The following BICRAL variants were observed in gnomAD, a reference collection of about 807,000 sequenced individuals.
The protein encoded by BICRAL is BRD4-interacting chromatin-remodeling complex-associated protein-like.
A neutral mutation model predicts 91.8 loss-of-function variants in BICRAL; 8 were observed. The observed-to-expected ratio is 0.09, with a 90% CI of 0.05 to 0.16. BICRAL has a LOEUF of 0.16. Ranked by LOEUF, BICRAL falls within the 10% of genes least tolerant of loss-of-function variation. The pLI is 1.00. For synonymous variants in BICRAL, 445 were observed against 491.1 expected, an observed-to-expected ratio of 0.91 and a Z score of 1.24; for missense variants, 1,038 against 1,310.9, an observed-to-expected ratio of 0.79 and a Z score of 3.21.
At chr6:42,821,958 G>A in intron 2 of BICRAL, 60 bp from the exon 3 acceptor site, 10 of 1,005,710 alleles carry the variant, frequency 9.9e-6, no homozygotes, top group Non-Finnish European at 1.6e-5. Flanking sequence ...GTATTGCATT[G>A]ATACTACTGT....
At chr6:42,824,936 A>G (rs975112289) in intron 5 of BICRAL, among the ~76,000 whole-genome samples, 1 of 152,204 alleles carries the variant, frequency 6.6e-6, no homozygotes, top group Non-Finnish European at 1.5e-5. Context: ...CAACCAGCAT[A>G]GTGAGACCCC....
At chr6:42,772,836 C>T (rs1206323503) in intron 1 of BICRAL, among the ~76,000 whole-genome samples, 6 of 152,022 alleles carry the variant, frequency 3.9e-5, no homozygotes, top group South Asian at 2.1e-4. Flanking sequence ...GGATGGTATT[C>T]GAGGGAGATT....
At chr6:42,783,881 C>A (rs1763019052) in intron 1 of BICRAL, among the ~76,000 whole-genome samples, 1 of 152,182 alleles carries the variant, frequency 6.6e-6, no homozygotes, top group South Asian at 2.1e-4. Context: ...ACGTCTTTGT[C>A]TTCTCTGGCC....
intron 1 of BICRAL, among the ~76,000 whole-genome samples, chr6:42,766,320 G>C (rs554755257): frequency 6.6e-6 from 1 of 152,300 alleles, no homozygotes; most frequent in East Asian, 1.9e-4. Flanking sequence ...GCCAGGACAA[G>C]GATCGTCAGT....
chr6:42,811,137 T>G (rs79895930), intron 2 of BICRAL, among the ~76,000 whole-genome samples: 1,702 of 152,280 alleles, frequency 0.011, 24 homozygotes, highest in African/African-American at 0.039. Context: ...TATGAAATAA[T>G]GGTATTTTAG....
In BICRAL at chr6:42,855,941, A is replaced by G; in HGVS notation, c.2108+24A>G. 4 of 1,594,002 alleles carry G rather than the reference A, an allele frequency of 2.5e-6. 1 individual carries two copies. Among genetic ancestry groups the G allele is most frequent in the South Asian group, 2.2e-5 (2 of 90,650 alleles). On this transcript the variant is annotated intron_variant, in intron 9 of 12. Coordinates refer to ENST00000314073, the MANE Select transcript of BICRAL (RefSeq NM_001393499.1). ...TTGTGAGTTACTCTCGGAAATGACA[A>G]ATCAATTCTGAACACTTCTTTGGGT...
At chr6:42,855,466 T>C (rs529999201) in intron 8 of BICRAL, among the ~76,000 whole-genome samples, 108 of 151,974 alleles carry the variant, frequency 7.1e-4, no homozygotes, top group African/African-American at 2.5e-3. Context: ...CACTTGAGCC[T>C]GGGAAGCAGA....
intron 1 of BICRAL, among the ~76,000 whole-genome samples, chr6:42,799,829 G>T (rs923696141): frequency 3.3e-5 from 5 of 151,992 alleles, no homozygotes; most frequent in Non-Finnish European, 7.4e-5. Flanking sequence ...CTTGCTTGGA[G>T]TAATATGCTA....
chr6:42,752,217 C>A (rs1423645200), intron 1 of BICRAL, among the ~76,000 whole-genome samples: 1 of 152,174 alleles, frequency 6.6e-6, no homozygotes. Flanking sequence ...TGGCGCTCTC[C>A]TCTGCCTCAA....
At chr6:42,791,404 G>A (rs1763268857) in intron 1 of BICRAL, among the ~76,000 whole-genome samples, 1 of 152,086 alleles carries the variant, frequency 6.6e-6, no homozygotes, top group East Asian at 1.9e-4. Flanking sequence ...TTAAAGCCCT[G>A]AGTCTGAGAA....
At chr6:42,799,944 AATCTTGG>A (rs1235746317) in intron 1 of BICRAL, among the ~76,000 whole-genome samples, 6 of 152,004 alleles carry the variant, frequency 3.9e-5, no homozygotes, top group African/African-American at 7.3e-5. Context: ...GCAGTGGCCC[AATCTTGG>A]CCGACTGCAA....
chr6:42,750,877 CT>C (rs397886906), intron 1 of BICRAL, among the ~76,000 whole-genome samples: 2 of 90,736 alleles, frequency 2.2e-5, no homozygotes, highest in Non-Finnish European at 4.2e-5. Context: ...CGCGCCCGGC[CT>C]TTTTTTTTTT....
intron 1 of BICRAL, among the ~76,000 whole-genome samples, chr6:42,757,132 A>G (rs1762474380): frequency 6.6e-6 from 1 of 152,072 alleles, no homozygotes; most frequent in Non-Finnish European, 1.5e-5. Flanking sequence ...ATTCAAGGGA[A>G]GGAGAAATGG....
chr6:42,835,842 A>T (rs1764621884), intron 6 of BICRAL, among the ~76,000 whole-genome samples: 1 of 152,158 alleles, frequency 6.6e-6, no homozygotes, highest in Admixed American at 6.5e-5. Flanking sequence ...GCTGAGATGG[A>T]CCATCTGAGT....
chr6:42,779,481 A>T (rs1481686163), upstream of BICRAL, among the ~76,000 whole-genome samples: 2 of 152,190 alleles, frequency 1.3e-5, no homozygotes, highest in Non-Finnish European at 2.9e-5. Flanking sequence ...GTGTAGAAAA[A>T]TATGCTAATT....
chr6:42,815,859 G>A (rs1488163073), intron 2 of BICRAL, among the ~76,000 whole-genome samples: 2 of 151,324 alleles, frequency 1.3e-5, no homozygotes, highest in East Asian at 3.9e-4. Context: ...TGGTGGTGTG[G>A]CCCTGTAATC....
intron 1 of BICRAL, among the ~76,000 whole-genome samples, chr6:42,803,308 C>T (rs985920447): frequency 2.8e-4 from 42 of 152,114 alleles, no homozygotes; most frequent in Admixed American, 2.6e-4. Flanking sequence ...TATTTCCTTA[C>T]GCCTGAGAGA....
rs1562490931 is a variant in BICRAL, at chr6:42,845,195, G to GGTTTTTTTTT, written c.1840-6897_1840-6896insGTTTTTTTTT. ...CTTCTCTGTTTTTTGTTTTTTGGGT[G>GGTTTTTTTTT]TTTTTTTTTTTTTTTTTTTTTTTTT... On this transcript the variant is annotated intron_variant, in intron 6 of 12. Transcript: ENST00000314073. Among the ~76,000 whole-genome samples the GGTTTTTTTTT allele has an allele frequency of 2.7e-3, 70 of 25,610 alleles. 16 individuals carry two copies. The highest frequency in any genetic ancestry group is 5.4e-3 in the South Asian group (3 of 556). 16.8% of individuals were successfully genotyped at this position (25,610 alleles called of 152,430 possible).
intron 1 of BICRAL, among the ~76,000 whole-genome samples, chr6:42,801,642 G>A (rs1763573411): frequency 6.6e-6 from 1 of 152,238 alleles, no homozygotes; most frequent in East Asian, 1.9e-4. Flanking sequence ...AGCACTTTGG[G>A]AAGCAGAGGC....
Sources: allele counts gnomAD v4.1 joint callset (sites outside exome capture counted in the v4.1 genomes callset), GRCh38; gene constraint gnomAD v4.1.1; transcripts MANE v1.5; gene names NCBI Gene and HGNC (gene_info 2026-07-23, HGNC 2026-07-21).